The following ZNF395 variants were observed in gnomAD, a reference collection of about 807,000 sequenced individuals.
ZNF395 encodes the protein zinc finger protein 395.
ZNF395 carries 20 observed loss-of-function variants against 57.7 expected under a neutral mutation model. The observed-to-expected ratio is 0.35, with a 90% CI of 0.24 to 0.50. The LOEUF is 0.50. Ranked by LOEUF, ZNF395 falls within the 20% of genes least tolerant of loss-of-function variation. The probability of loss-of-function intolerance (pLI) is 0.97; values close to 1 mark genes in which losing one functional copy is unlikely to be tolerated. For missense variants in ZNF395, 606 were observed against 671.2 expected (o/e 0.90, Z 1.07); for synonymous variants, 295 against 275.9 (o/e 1.07, Z -0.69).
chr8:28,345,799 TG>T lies in ZNF395; in HGVS notation c.*2919del, dbSNP rs1163415213. On this transcript the variant is annotated 3_prime_UTR_variant, in exon 10 of 10. Transcript: ENST00000344423. ...TTTGCCCCTGGTAAAAGTCAGAACC[TG>T]GGATGACCAGAAAGTAACAGGACAG... 2 of 140,528 alleles carry T rather than the reference TG, an allele frequency of 1.4e-5. No homozygotes were observed. The highest frequency in any genetic ancestry group is 5.2e-5 in the African/African-American group (2 of 38,222). 8.7% of individuals were successfully genotyped at this position (140,528 alleles called of 1,614,324 possible).
rs1038152823 is a variant in ZNF395, at chr8:28,348,079, T to G, written c.*640A>C. ...TAAGAAGAAGCCATTTAATATTTGT[T>G]GGGGTGCAACCCAATGTCTGAGGGA... On this transcript the variant is annotated 3_prime_UTR_variant, in exon 10 of 10. Transcript: ENST00000344423. The G allele has an allele frequency of 6.6e-6, 1 of 152,196 alleles. No individual in the cohort carries two copies. Among genetic ancestry groups the G allele is most frequent in the Non-Finnish European group, 1.5e-5 (1 of 68,028 alleles). 9.4% of individuals were successfully genotyped at this position (152,196 alleles called of 1,614,324 possible).
intron 1 of ZNF395, among the ~76,000 whole-genome samples, chr8:28,369,838 C>T (rs1342477881): frequency 6.6e-6 from 1 of 152,248 alleles, no homozygotes; most frequent in African/African-American, 2.4e-5. Flanking sequence ...TGCTATGCAA[C>T]ATGTGGGTCC....
intron 1 of ZNF395, among the ~76,000 whole-genome samples, chr8:28,370,605 C>T (rs1331933026): frequency 2.0e-5 from 3 of 152,174 alleles, no homozygotes; most frequent in African/African-American, 7.2e-5. Flanking sequence ...CTGGTGAGGA[C>T]GTTCTGAGCC....
In ZNF395 at chr8:28,356,704, T is replaced by C. The variant is rs1259973991; in HGVS notation, c.549A>G (p.Val183=). 7 of 1,614,080 alleles carry C rather than the reference T, an allele frequency of 4.3e-6. No individual in the cohort carries two copies. Among genetic ancestry groups the C allele is most frequent in the Non-Finnish European group, 5.9e-6 (7 of 1,180,036 alleles). The change falls in exon 4 of 10, where the codon GTA becomes GTG. Residue 183 remains valine (V), a synonymous_variant. Transcript: ENST00000344423. The surrounding 1 kb of genome is among the most constrained non-coding windows in gnomAD (Gnocchi z 4.0). Reference sequence around the variant, plus strand: ...TGGCCTCGGTCCCGGGAGGACTCTGTACAACAGGGCTGCAGGACAGGGACG... The same window carrying C: ...TGGCCTCGGTCCCGGGAGGACTCTGCACAACAGGGCTGCAGGACAGGGACG... ...VLTSLSCSPV[V]QSPPGTEANF... is the part of the protein sequence containing the mutation.
chr8:28,365,315 T>C (rs1801898022), intron 1 of ZNF395: 1 of 152,278 alleles, frequency 6.6e-6, no homozygotes, highest in Admixed American at 6.5e-5. Context: ...CAGGACCTCC[T>C]GCTGCCTCAT....
chr8:28,348,967 C>A (rs1801643427), intron 9 of ZNF395, 137 bp from the exon 10 acceptor site: 7 of 1,152,882 alleles, frequency 6.1e-6, no homozygotes, highest in Non-Finnish European at 8.9e-6. Context: ...GGGCCAGAGG[C>A]TCTGAGGACC....
intron 1 of ZNF395, among the ~76,000 whole-genome samples, chr8:28,369,218 A>G (rs1801948226): frequency 6.6e-6 from 1 of 151,106 alleles, no homozygotes; most frequent in African/African-American, 2.4e-5. Context: ...ATGGATCATC[A>G]CATTCCCTGA....
intron 1 of ZNF395, among the ~76,000 whole-genome samples, chr8:28,373,682 G>A (rs1253414211): frequency 2.6e-5 from 4 of 152,124 alleles, no homozygotes; most frequent in Non-Finnish European, 4.4e-5. Flanking sequence ...AAGTCCTCAG[G>A]GGTTGGGGGG....
At chr8:28,383,972 C>T (rs1802140729) in intron 1 of ZNF395, among the ~76,000 whole-genome samples, 1 of 152,192 alleles carries the variant, frequency 6.6e-6, no homozygotes, top group African/African-American at 2.4e-5. Flanking sequence ...GAATCAATTT[C>T]CACCAAGAAT....
intron 1 of ZNF395, among the ~76,000 whole-genome samples, chr8:28,377,519 T>C (rs1802055628): frequency 6.6e-6 from 1 of 152,180 alleles, no homozygotes. Flanking sequence ...TGTATTCTCT[T>C]TATCGCTAAA....
At chr8:28,381,996 C>G (rs898466230) in intron 1 of ZNF395, among the ~76,000 whole-genome samples, 1 of 152,212 alleles carries the variant, frequency 6.6e-6, no homozygotes, top group Non-Finnish European at 1.5e-5. Context: ...TAATGCCACA[C>G]TCCTACCCGG....
chr8:28,359,913 T>C lies in ZNF395; in HGVS notation c.241-89A>G. 7 of 1,507,446 alleles carry C rather than the reference T, an allele frequency of 4.6e-6. No individual in the cohort carries two copies. Among genetic ancestry groups the C allele is most frequent in the Non-Finnish European group, 6.2e-6 (7 of 1,123,692 alleles). The allele number at this position is 1,507,446 out of a possible 1,614,324, so 93.4% of individuals were successfully genotyped here. ...GCACCCCACGTCCCAGGAGCCAGGA[T>C]CTGCCTGCCACAAACCATGTTCTCT... On this transcript the variant is annotated intron_variant, in intron 2 of 9. Coordinates refer to ENST00000344423, the MANE Select transcript of ZNF395 (RefSeq NM_018660.3). The surrounding 1 kb of genome is among the most constrained non-coding windows in gnomAD (Gnocchi z 4.7).
intron 7 of ZNF395, among the ~76,000 whole-genome samples, chr8:28,350,414 A>G (rs2129938274): frequency 6.6e-6 from 1 of 152,324 alleles, no homozygotes; most frequent in East Asian, 1.9e-4. Flanking sequence ...TGCTAGCCTC[A>G]TGACTTAATC....
intron 1 of ZNF395, among the ~76,000 whole-genome samples, chr8:28,368,292 C>CA (rs1801935837): frequency 1.3e-5 from 2 of 152,292 alleles, no homozygotes; most frequent in South Asian, 4.2e-4. Flanking sequence ...GACCTCAAAG[C>CA]ACCCACAAAT....
At chr8:28,385,095 C>T (rs1802155717) in intron 1 of ZNF395, 1 of 152,254 alleles carries the variant, frequency 6.6e-6, no homozygotes. Context: ...AGCAAAACCC[C>T]CAGGTGTACT....
chr8:28,369,738 C>T (rs924872811), intron 1 of ZNF395, among the ~76,000 whole-genome samples: 1 of 152,228 alleles, frequency 6.6e-6, no homozygotes, highest in African/African-American at 2.4e-5. Context: ...CGGGTGGGGG[C>T]AGACCCACCT....
chr8:28,358,512 T>C (rs1253625344), intron 3 of ZNF395, among the ~76,000 whole-genome samples: 3 of 151,868 alleles, frequency 2.0e-5, no homozygotes, highest in Non-Finnish European at 2.9e-5. Flanking sequence ...CATTGCTCAC[T>C]GAAGCCTCAA....
chr8:28,374,024 A>C (rs1802008531), intron 1 of ZNF395, among the ~76,000 whole-genome samples: 1 of 152,172 alleles, frequency 6.6e-6, no homozygotes, highest in Non-Finnish European at 1.5e-5. Context: ...CTGTGCAGCA[A>C]TGTTTTTTGG....
intron 4 of ZNF395, 115 bp from the exon 5 acceptor site, chr8:28,353,523 T>C (rs1214832058): frequency 2.1e-5 from 16 of 771,986 alleles, no homozygotes; most frequent in Non-Finnish European, 3.0e-5. Flanking sequence ...CAATTTCTCT[T>C]GGTAGAACTG....
Sources: gnomAD v4.1 joint callset for allele counts (sites outside exome capture counted in the v4.1 genomes callset) on GRCh38, gnomAD v4.1.1 for gene constraint, Gnocchi (gnomAD v3.1) non-coding constraint, MANE v1.5 for transcripts, NCBI Gene and HGNC (gene_info 2026-07-23, HGNC 2026-07-21) for gene names.